Variants in TNK2 observed in about 807,000 individuals in gnomAD.
TNK2 encodes tyrosine kinase non receptor 2.
TNK2 carries 83 observed loss-of-function variants against 101.8 expected under a neutral mutation model. The observed-to-expected ratio is 0.82, with a 90% confidence interval of 0.68 to 0.98. The LOEUF (loss-of-function observed/expected upper bound fraction) is 0.98, where lower values mean the gene tolerates loss of function less well. Among genes scored for constraint, TNK2 ranks in the 50% least tolerant of loss-of-function variants. The pLI is 0.00. For missense variants in TNK2, 1,665 were observed against 1,483.2 expected (o/e 1.12, Z -2.01); for synonymous variants, 804 against 633.0 (o/e 1.27, Z -4.06).
At position 195,883,185 on chromosome 3, in the gene TNK2, C is replaced by T. The variant is rs750951757; in HGVS notation, c.581G>A (p.Gly194Glu). ...LDHRNLIRLY[G>E]VVLTPPMKMV... ...CTTCATGGGCGGCGTGAGCACCACC[C>T]CGTAGAGGCGGATGAGGTTTCGGTG... The change falls in exon 5 of 16, where the codon GGG becomes GAG. Residue 194 changes from glycine to glutamate, a missense_variant. Gly to Glu is a moderately conservative substitution (Grantham distance 98). Transcript: ENST00000672887. The T allele has an allele frequency of 6.2e-7, 1 of 1,608,528 alleles. No individual in the cohort carries two copies. Among genetic ancestry groups the T allele is most frequent in the East Asian group, 2.2e-5 (1 of 44,876 alleles).
At position 195,868,683 on chromosome 3, in the gene TNK2, C is replaced by A. The variant is rs1742623923; in HGVS notation, c.1615G>T (p.Asp539Tyr). The A allele has an allele frequency of 6.3e-7, 1 of 1,591,400 alleles. No homozygotes were observed. The highest frequency in any genetic ancestry group is 2.3e-5 in the East Asian group (1 of 44,168). Residue 539 changes from aspartate to tyrosine, a missense_variant, in exon 13 of 16, where the codon GAC (aspartate) becomes TAC (tyrosine). This residue lies in a region of TNK2 where 1,136 missense variants were observed against 894.9 expected (regional missense o/e 1.27). Coordinates refer to ENST00000672887, the MANE Select transcript of TNK2 (RefSeq NM_001382273.1). ...AAGTCGCTGGACAAGGGGTCTTGGTCCTCGCTCACAGGGTCATAGGTTGGT... is the reference window on the plus strand; with the variant it reads ...AAGTCGCTGGACAAGGGGTCTTGGTACTCGCTCACAGGGTCATAGGTTGGT... ...QKPTYDPVSE[D>Y]QDPLSSDFKR...
chr3:195,864,326 T>C, intron 15 of TNK2, 139 bp from the exon 16 acceptor site: 3 of 872,572 alleles, frequency 3.4e-6, no homozygotes, highest in Non-Finnish European at 3.7e-6. Context: ...TTTATCATCC[T>C]GGATGTCTTT....
At chr3:195,869,665 G>A (rs1196230287) in intron 11 of TNK2, 124 bp from the exon 12 acceptor site, 1 of 1,005,682 alleles carries the variant, frequency 9.9e-7, no homozygotes, top group Non-Finnish European at 1.5e-6. Context: ...ATGGGGGCGA[G>A]TGAATGTACA....
chr3:195,900,202 G>T (rs760359801), intron 1 of TNK2, among the ~76,000 whole-genome samples: 1 of 152,044 alleles, frequency 6.6e-6, no homozygotes. Flanking sequence ...TGCCACACAG[G>T]GTGATGGGAA....
intron 14 of TNK2, 30 bp from the exon 15 acceptor site, chr3:195,867,046 C>T (rs372752964): frequency 5.3e-5 from 86 of 1,611,770 alleles, no homozygotes; most frequent in African/African-American, 1.3e-4. Context: ...CATGGACACG[C>T]GGGCCCAGGG....
In TNK2 at chr3:195,878,566, C is replaced by T; in HGVS notation, c.1041G>A (p.Gly347=). The T allele has an allele frequency of 6.2e-7, 1 of 1,613,404 alleles. No individual in the cohort carries two copies. Among genetic ancestry groups the T allele is most frequent in the Non-Finnish European group, 8.5e-7 (1 of 1,179,986 alleles). The change falls in exon 8 of 16, where the codon GGG becomes GGA. Residue 347 remains glycine, a synonymous_variant. Transcript: ENST00000672887. The surrounding 1 kb of genome is among the most constrained non-coding windows in gnomAD (Gnocchi z 4.7). ...AGTCCTCGGGCCGGGGCAGCCGCTC[C>T]CCCTCCTTGTCGATCTTATGCAGGA... ...SQILHKIDKE[G]ERLPRPEDCP...
rs1742181805 is a variant in TNK2, at chr3:195,868,115, T to C, written c.2183A>G (p.Glu728Gly). ...TAEIFQALQQ[E>G]CMRQLQAPAG... ...CGGAGCCTGCAGTTGCCTCATGCAC[T>C]CCTGCTGTAGCGCCTGGAAGATCTC... Residue 728 changes from glutamate (E) to glycine (G), a missense_variant, in exon 13 of 16, where the codon GAG (glutamate) becomes GGG (glycine). Transcript: ENST00000672887. The C allele has an allele frequency of 1.9e-6, 3 of 1,611,500 alleles. No homozygotes were observed. Among genetic ancestry groups the C allele is most frequent in the Non-Finnish European group, 2.5e-6 (3 of 1,179,454 alleles).
At position 195,887,061 on chromosome 3, in the gene TNK2, G is replaced by C. The variant is rs371764654; in HGVS notation, c.164-14C>G. ...GCCGCCGCTGGCCTGCAGGGAGAGC[G>C]GGGAACCGCGTGCTGTGAAGGCCGC... On this transcript the variant is annotated splice_polypyrimidine_tract_variant and intron_variant, in intron 2 of 15. Coordinates refer to ENST00000672887, the MANE Select transcript of TNK2 (RefSeq NM_001382273.1). The C allele has an allele frequency of 8.6e-5, 139 of 1,610,854 alleles. No individual in the cohort carries two copies. The highest frequency in any genetic ancestry group is 1.0e-4 in the Non-Finnish European group (121 of 1,178,338).
rs747585509 is a variant in TNK2, at chr3:195,868,484, G to A, written c.1814C>T (p.Ala605Val). 4.1e-5 allele frequency: 64 copies of A among 1,549,536 alleles called. No homozygotes were observed. The highest frequency in any genetic ancestry group is 2.3e-4 in the African/African-American group (17 of 72,566). Reference protein sequence around the residue: ...PALRPCAPSLAQLAMDACSLL... With the variant: ...PALRPCAPSLVQLAMDACSLL... ...GGAGCAGGCGTCCATGGCCAGCTGCGCCAGGGAGGGCGCGCAGGGCCGTAG... is the reference window on the plus strand; with the variant it reads ...GGAGCAGGCGTCCATGGCCAGCTGCACCAGGGAGGGCGCGCAGGGCCGTAG... The change falls in exon 13 of 16, where the codon GCG becomes GTG. Residue 605 changes from alanine to valine, a missense_variant. Coordinates refer to ENST00000672887, the MANE Select transcript of TNK2 (RefSeq NM_001382273.1).
Position 195,868,227 on chromosome 3 carries a change from G to A in TNK2, c.2071C>T (p.Gln691Ter). The A allele has an allele frequency of 6.2e-7, 1 of 1,606,320 alleles. No individual in the cohort carries two copies. The highest frequency in any genetic ancestry group is 1.1e-5 in the South Asian group (1 of 91,006). ...TCCAGGGGAGGGGGCGGCCGCGCCT[G>A]CTCAGGCACAAAGGCGTAGTTGGTC... ...GQTNYAFVPE[Q>*]ARPPPPLEDN... The change falls in exon 13 of 16, where the codon CAG becomes TAG. Residue 691 changes from glutamine to a stop codon, truncating the protein, a stop_gained. Coordinates refer to ENST00000672887, the MANE Select transcript of TNK2 (RefSeq NM_001382273.1). LOFTEE classifies it high-confidence loss of function.
chr3:195,867,133 TC>T (rs771489934), intron 14 of TNK2, 35 bp downstream of exon 14: 3 of 1,608,992 alleles, frequency 1.9e-6, no homozygotes, highest in Non-Finnish European at 1.7e-6. Flanking sequence ...GGCTTCAGGG[TC>T]CCTGAGAGCC....
At chr3:195,887,119 C>T (rs1378563861) in intron 2 of TNK2, 72 bp from the exon 3 acceptor site, 1 of 1,518,216 alleles carries the variant, frequency 6.6e-7, no homozygotes, top group Admixed American at 1.7e-5. Flanking sequence ...CCTGTGGTCC[C>T]CTTGGGGGTG....
chr3:195,876,561 C>A (rs141234146), intron 9 of TNK2: 1 of 456,660 alleles, frequency 2.2e-6, no homozygotes, highest in East Asian at 6.9e-5. Flanking sequence ...CACCCAGGCC[C>A]GCTCCCAAGC....
intron 1 of TNK2, among the ~76,000 whole-genome samples, chr3:195,904,606 T>C (rs542552977): frequency 9.1e-4 from 138 of 152,300 alleles, no homozygotes; most frequent in African/African-American, 3.1e-3. Flanking sequence ...TGGAGATGGA[T>C]GCTGGTGACG....
At position 195,888,328 on chromosome 3, in the gene TNK2, GAC is replaced by G; in HGVS notation, c.163+96_163+97del. The G allele has an allele frequency of 7.4e-7, 1 of 1,349,604 alleles. No homozygotes were observed. Among genetic ancestry groups the G allele is most frequent in the Non-Finnish European group, 1.0e-6 (1 of 967,332 alleles). The allele number at this position is 1,349,604 out of a possible 1,614,324, so 83.6% of individuals were successfully genotyped here. A position where few individuals can be genotyped will look rare whatever the true frequency, so the allele number is the denominator to read the frequency against. ...CCCTCCTGCTCCCTCAGGGCTCTGG[GAC>G]AGAGTTCTCAGCTGCCACCCGTGCA... On this transcript the variant is annotated intron_variant, in intron 2 of 15. Transcript: ENST00000672887. This position sits in a 1 kb window ranked among gnomAD's most constrained non-coding sequence, Gnocchi z 5.3.
At chr3:195,870,774 G>A (rs1338149301) in intron 10 of TNK2, among the ~76,000 whole-genome samples, 1 of 152,262 alleles carries the variant, frequency 6.6e-6, no homozygotes. Context: ...GCCAGGAGTG[G>A]GGCAGAGGGC....
chr3:195,895,164 G>A, intron 1 of TNK2: 7 of 1,336,614 alleles, frequency 5.2e-6, no homozygotes, highest in Non-Finnish European at 6.9e-6. Context: ...GCCGCCGCAG[G>A]GGGCAGGGCT....
At position 195,866,983 on chromosome 3, in the gene TNK2, T is replaced by C; in HGVS notation, c.3067A>G (p.Arg1023Gly). The part of the protein sequence containing the change: ...EQLFGLGLRP[R>G]GECHKVLEMF... ...TCCAGCACTTTGTGGCACTCCCCTC[T>C]GGGCCGCAGACCCAGCCCGAAGAGC... Residue 1023 changes from arginine (R) to glycine (G), a missense_variant, in exon 15 of 16, where the codon AGA becomes GGA. Physicochemically the swap from Arg to Gly is moderately radical, Grantham distance 125. Around this residue, in one of 3 missense-constraint regions of TNK2, gnomAD observed 1,136 missense variants for 894.9 expected, o/e 1.27. Coordinates refer to ENST00000672887, the MANE Select transcript of TNK2 (RefSeq NM_001382273.1). 1 of 1,613,160 alleles carries C rather than the reference T, an allele frequency of 6.2e-7. No individual in the cohort carries two copies.
chr3:195,898,101 C>A (rs947379120), intron 1 of TNK2, among the ~76,000 whole-genome samples: 1 of 152,004 alleles, frequency 6.6e-6, no homozygotes, highest in South Asian at 2.1e-4. Flanking sequence ...TCTGCTTCTG[C>A]GCTCCTGTAT....
Sources: allele counts gnomAD v4.1 joint callset (sites outside exome capture counted in the v4.1 genomes callset), GRCh38; gene constraint gnomAD v4.1.1; regional missense constraint gnomAD v4.1.1; non-coding constraint Gnocchi (gnomAD v3.1); transcripts MANE v1.5; gene names NCBI Gene and HGNC (gene_info 2026-07-23, HGNC 2026-07-21).